Variants in CNTNAP4 observed in about 807,000 individuals in gnomAD.
The protein encoded by CNTNAP4 is contactin-associated protein-like 4.
CNTNAP4 carries 98 observed loss-of-function variants against 148.4 expected under a neutral mutation model. The ratio of observed to expected loss-of-function variants is 0.66; its 90% CI spans 0.56 to 0.78. The LOEUF is 0.78. Among genes scored for constraint, CNTNAP4 ranks in the 30% least tolerant of loss-of-function variants. CNTNAP4 has a pLI of 0.00. For missense variants in CNTNAP4, 1,935 were observed against 1,565.6 expected (o/e 1.24, Z -3.98); for synonymous variants, 730 against 565.1 (o/e 1.29, Z -4.14).
At chr16:76,306,919 A>G (rs1270832866) in intron 1 of CNTNAP4, among the ~76,000 whole-genome samples, 1 of 152,190 alleles carries the variant, frequency 6.6e-6, no homozygotes, top group Non-Finnish European at 1.5e-5. Context: ...TTGAAGCAGT[A>G]TGTATCAGAC....
chr16:76,415,145 A>G (rs749673099), intron 3 of CNTNAP4, among the ~76,000 whole-genome samples: 17 of 151,210 alleles, frequency 1.1e-4, no homozygotes, highest in East Asian at 1.9e-4. Context: ...TATAACACAA[A>G]TGTATTTATG....
chr16:76,365,751 C>CAAAAAAAAAAAA (rs35586454), intron 3 of CNTNAP4, among the ~76,000 whole-genome samples: 2 of 100,036 alleles, frequency 2.0e-5, no homozygotes, highest in African/African-American at 8.1e-5. Flanking sequence ...GACTCCGTCT[C>CAAAAAAAAAAAA]AAAAAAAAAA....
In CNTNAP4 at chr16:76,531,492, G is replaced by A. The variant is rs141286317; in HGVS notation, c.2756-4053G>A. Among the ~76,000 whole-genome samples the A allele has an allele frequency of 4.6e-3, 704 of 152,258 alleles. 4 individuals are homozygous for A. Among genetic ancestry groups the A allele is most frequent in the African/African-American group, 0.016 (684 of 41,558 alleles). On this transcript the variant is annotated intron_variant, in intron 17 of 23. Transcript: ENST00000611870. ...GGAAAGGTTGGGCATTTGTTTCACA[G>A]GATACTCAGTGTTTGTGAAGTCCCG...
chr16:76,307,934 G>T (rs918807980), intron 1 of CNTNAP4, among the ~76,000 whole-genome samples: 1 of 152,106 alleles, frequency 6.6e-6, no homozygotes, highest in Non-Finnish European at 1.5e-5. Context: ...TGAAAGCTTA[G>T]GTCAATAACA....
intron 2 of CNTNAP4, among the ~76,000 whole-genome samples, chr16:76,345,831 A>G (rs564236129): frequency 6.6e-6 from 1 of 152,312 alleles, no homozygotes; most frequent in South Asian, 2.1e-4. Context: ...ATGCTGTATG[A>G]AAAGGGAGGT....
Position 76,540,784 on chromosome 16 carries a change from AT to A in CNTNAP4, c.3440del (p.Leu1147Ter). 6.4e-7 allele frequency: 1 copy of A among 1,561,696 alleles called. No homozygotes were observed. Among genetic ancestry groups the A allele is most frequent in the Non-Finnish European group, 8.7e-7 (1 of 1,150,452 alleles). On this transcript the variant is annotated frameshift_variant, in exon 21 of 24. Transcript: ENST00000611870. LOFTEE classifies it high-confidence loss of function. The stretch of plus-strand genomic sequence containing the variant: ...AGTCAAATCTCTGGTATTGGGCAGG[AT>A]TTTAGGTAAGTGAAAGAAACAACCT... Reference protein sequence around the residue: ...SAVKSLVLGRILEHSDVDQDT... With the variant: ...SAVKSLVLGRXLEHSDVDQDT...
intron 15 of CNTNAP4, among the ~76,000 whole-genome samples, chr16:76,516,277 C>G (rs1257525526): frequency 6.6e-6 from 1 of 152,190 alleles, no homozygotes; most frequent in Non-Finnish European, 1.5e-5. Flanking sequence ...TTAACTCATT[C>G]TTTTTCAAGG....
At chr16:76,295,115 G>A (rs540326962) in intron 1 of CNTNAP4, among the ~76,000 whole-genome samples, 1 of 152,222 alleles carries the variant, frequency 6.6e-6, no homozygotes, top group South Asian at 2.1e-4. Flanking sequence ...ATGAGGGAGA[G>A]GCATACACAA....
chr16:76,490,319 G>A (rs1035827938), intron 13 of CNTNAP4, among the ~76,000 whole-genome samples: 1 of 152,170 alleles, frequency 6.6e-6, no homozygotes, highest in Non-Finnish European at 1.5e-5. Flanking sequence ...GACAGCCTCT[G>A]GGTATAATGG....
intron 15 of CNTNAP4, among the ~76,000 whole-genome samples, chr16:76,504,906 T>C (rs1021017486): frequency 3.9e-5 from 6 of 152,160 alleles, no homozygotes; most frequent in African/African-American, 1.4e-4. Context: ...CACAATGTGA[T>C]ACCAATATGT....
At position 76,448,780 on chromosome 16, in the gene CNTNAP4, G is replaced by A. The variant is rs781322119; in HGVS notation, c.756G>A (p.Leu252=). The A allele has an allele frequency of 6.2e-7, 1 of 1,605,302 alleles. No individual in the cohort carries two copies. The highest frequency in any genetic ancestry group is 2.2e-5 in the East Asian group (1 of 44,478). The stretch of plus-strand genomic sequence containing the variant: ...TCCTCTTCTAAGGTGAAGCTAAACT[G>A]CCTTCCACTTCCACCCTGGTCAATC... The part of the protein sequence containing the change: ...FLLINSGEAK[L]PSTSTLVNLT... The change falls in exon 6 of 24, where the codon CTG becomes CTA. Residue 252 remains leucine (L), a synonymous_variant. Transcript: ENST00000611870.
chr16:76,498,548 T>C lies in CNTNAP4; in HGVS notation c.2238-19T>C. ...TATTAAAAGTTCTTAAGAATTTTGT[T>C]GTTGCTATTGTTTTTTAGGACCAAT... On this transcript the variant is annotated intron_variant, in intron 14 of 23. Transcript: ENST00000611870. 6.3e-7 allele frequency: 1 copy of C among 1,598,414 alleles called. No homozygotes were observed. Among genetic ancestry groups the C allele is most frequent in the South Asian group, 1.1e-5 (1 of 87,144 alleles).
intron 7 of CNTNAP4, among the ~76,000 whole-genome samples, chr16:76,451,941 A>T (rs772912139): frequency 6.6e-6 from 1 of 152,162 alleles, no homozygotes; most frequent in Non-Finnish European, 1.5e-5. Flanking sequence ...CATCCCAATT[A>T]TCCCGATTTG....
At chr16:76,320,474 T>C (rs1396986940) in intron 2 of CNTNAP4, among the ~76,000 whole-genome samples, 1 of 152,146 alleles carries the variant, frequency 6.6e-6, no homozygotes, top group Non-Finnish European at 1.5e-5. Flanking sequence ...ACATTAAGGA[T>C]GGGTAGGACA....
chr16:76,404,691 A>G (rs181024426), intron 3 of CNTNAP4, among the ~76,000 whole-genome samples: 134 of 152,284 alleles, frequency 8.8e-4, no homozygotes, highest in African/African-American at 3.1e-3. Context: ...TGAATAATAC[A>G]TGAAATTGCT....
intron 9 of CNTNAP4, among the ~76,000 whole-genome samples, chr16:76,464,104 C>T (rs963928643): frequency 4.6e-5 from 7 of 152,146 alleles, no homozygotes; most frequent in Non-Finnish European, 1.0e-4. Context: ...AGCAGAAGAC[C>T]TGCTGCCAAA....
intron 3 of CNTNAP4, among the ~76,000 whole-genome samples, chr16:76,369,673 C>G (rs1408160242): frequency 6.6e-6 from 1 of 152,196 alleles, no homozygotes; most frequent in Admixed American, 6.5e-5. Flanking sequence ...GAAACTCCAT[C>G]TCTACAGAAA....
intron 8 of CNTNAP4, among the ~76,000 whole-genome samples, chr16:76,460,753 C>CA (rs1158805627): frequency 0.037 from 567 of 15,476 alleles, 92 homozygotes; most frequent in African/African-American, 0.11. Context: ...ACTCATGTCT[C>CA]AAAAAAAAAA....
chr16:76,501,959 C>G (rs887706879), intron 15 of CNTNAP4, among the ~76,000 whole-genome samples: 1 of 151,236 alleles, frequency 6.6e-6, no homozygotes, highest in African/African-American at 2.4e-5. Context: ...GTCCCAGCTA[C>G]TTGGGAGGCT....
Sources: allele counts gnomAD v4.1 joint callset (sites outside exome capture counted in the v4.1 genomes callset), GRCh38; gene constraint gnomAD v4.1.1; transcripts MANE v1.5; gene names NCBI Gene and HGNC (gene_info 2026-07-23, HGNC 2026-07-21).